Variants in ODR4 observed in about 807,000 individuals in gnomAD.
ODR4 encodes odr-4 GPCR localization factor homolog.
Under a neutral mutation model 60.2 loss-of-function variants are expected in ODR4, and 47 were observed. The observed-to-expected ratio is 0.78, with a 90% CI of 0.62 to 1.00. The LOEUF is 1.00. Among genes scored for constraint, ODR4 ranks in the 50% least tolerant of loss-of-function variants. ODR4 has a pLI of 0.00. For synonymous variants in ODR4, 178 were observed against 175.5 expected (o/e 1.01, Z -0.11); for missense variants, 488 against 530.8 (o/e 0.92, Z 0.79).
chr1:186,402,355 C>G (rs1224858100), intron 11 of ODR4, among the ~76,000 whole-genome samples: 1 of 146,822 alleles, frequency 6.8e-6, no homozygotes, highest in Non-Finnish European at 1.5e-5. Context: ...TTTCCTTTTC[C>G]TTTTCCTTTT....
intron 13 of ODR4, 38 bp from the exon 14 acceptor site, chr1:186,418,971 T>C (rs1461370309): frequency 2.6e-6 from 4 of 1,566,808 alleles, no homozygotes; most frequent in Non-Finnish European, 3.5e-6. Flanking sequence ...CTTTTGCTCA[T>C]TCCATTTTCA....
chr1:186,399,117 A>C (rs972892246), intron 11 of ODR4, 73 bp downstream of exon 11: 39 of 929,252 alleles, frequency 4.2e-5, no homozygotes, highest in Admixed American at 6.1e-5. Context: ...GATATAGCAG[A>C]TACGTCATCT....
chr1:186,402,344 C>CT (rs1558085455), intron 11 of ODR4, among the ~76,000 whole-genome samples: 4 of 148,996 alleles, frequency 2.7e-5, no homozygotes, highest in African/African-American at 1.0e-4. Flanking sequence ...ACTTCCTCTC[C>CT]TTTCCTTTTC....
At position 186,417,549 on chromosome 1, in the gene ODR4, A is replaced by T. The variant is rs375808249; in HGVS notation, c.1192A>T (p.Met398Leu). The change falls in exon 13 of 14, where the codon ATG (methionine) becomes TTG (leucine). Residue 398 changes from methionine to leucine, a missense_variant. Transcript: ENST00000287859. Reference protein sequence around the residue: ...EIAEETNTACMSSSMNSQASL... With the variant: ...EIAEETNTACLSSSMNSQASL... ...TTATTATTATACCCTTTCAGCTTGT[A>T]TGAGTTCTTCTATGAATAGTCAAGC... is the stretch of plus-strand genomic sequence containing the variant. 1 of 1,561,492 alleles carries T rather than the reference A, an allele frequency of 6.4e-7. No homozygotes were observed. Among genetic ancestry groups the T allele is most frequent in the East Asian group, 2.3e-5 (1 of 44,074 alleles).
intron 9 of ODR4, among the ~76,000 whole-genome samples, 188 bp from the exon 10 acceptor site, chr1:186,398,125 T>A (rs961061925): frequency 1.3e-5 from 2 of 152,208 alleles, no homozygotes; most frequent in Non-Finnish European, 2.9e-5. Flanking sequence ...TCAAAATGAC[T>A]GGAAAATAAT....
At chr1:186,382,323 T>A (rs1660068602) in intron 2 of ODR4, among the ~76,000 whole-genome samples, 1 of 150,066 alleles carries the variant, frequency 6.7e-6, no homozygotes, top group South Asian at 2.1e-4. Context: ...CTTGGGAGAC[T>A]ACTTGGGGGG....
chr1:186,408,077 C>T (rs1661234982), intron 12 of ODR4, among the ~76,000 whole-genome samples: 1 of 152,060 alleles, frequency 6.6e-6, no homozygotes, highest in African/African-American at 2.4e-5. Flanking sequence ...TTTTAAGAGT[C>T]TTACAAATAC....
intron 8 of ODR4, among the ~76,000 whole-genome samples, chr1:186,392,803 G>A (rs1660518164): frequency 6.6e-6 from 1 of 152,182 alleles, no homozygotes. Flanking sequence ...AGGAGTTCAA[G>A]ACCAGCCTGG....
chr1:186,424,966 A>G (rs1553240087), downstream of ODR4, among the ~76,000 whole-genome samples: 1 of 144,874 alleles, frequency 6.9e-6, no homozygotes, highest in Admixed American at 6.8e-5. Context: ...GTCAGCCTAG[A>G]TTAAAGAAAA....
At chr1:186,401,306 A>G in intron 11 of ODR4, 1 of 925,236 alleles carries the variant, frequency 1.1e-6, no homozygotes, top group South Asian at 1.8e-5. Context: ...AAAAGGTGAA[A>G]AAGTTTTTAC....
At position 186,406,109 on chromosome 1, in the gene ODR4, C is replaced by T. The variant is rs1454522552; in HGVS notation, c.1027C>T (p.Pro343Ser). 28 of 1,588,440 alleles carry T rather than the reference C, an allele frequency of 1.8e-5. No homozygotes were observed. The highest frequency in any genetic ancestry group is 2.3e-5 in the Non-Finnish European group (27 of 1,168,778). ...KDSEKEFHVL[P>S]YRVFVPLPGS... The stretch of plus-strand genomic sequence containing the variant: ...TTCTGAAAAAGAGTTCCACGTCCTC[C>T]CTTATCGAGTCTTTGTTCCCCTTCC... Residue 343 changes from proline to serine, a missense_variant, in exon 12 of 14, where the codon CCT (proline) becomes TCT (serine). Physicochemically the swap from Pro to Ser is moderately conservative, Grantham distance 74. Transcript: ENST00000287859.
At chr1:186,431,514 A>G in the ODR4 span, among the ~76,000 whole-genome samples, 11 of 152,360 alleles carry the variant, frequency 7.2e-5, no homozygotes, top group East Asian at 2.1e-3. Flanking sequence ...TGATGGCCAC[A>G]AAACTTAAGC....
chr1:186,390,639 A>G, intron 6 of ODR4, 72 bp from the exon 7 acceptor site: 1 of 1,460,374 alleles, frequency 6.8e-7, no homozygotes, highest in Non-Finnish European at 9.5e-7. Context: ...TGTATATTTA[A>G]TAATGTTTTG....
At chr1:186,429,506 C>G in the ODR4 span, among the ~76,000 whole-genome samples, 1 of 152,020 alleles carries the variant, frequency 6.6e-6, no homozygotes, top group African/African-American at 2.4e-5. Context: ...CAAAAGAGTT[C>G]CCTAAAGAAA....
intron 12 of ODR4, among the ~76,000 whole-genome samples, chr1:186,412,519 G>T (rs1661414411): frequency 6.6e-6 from 1 of 152,118 alleles, no homozygotes; most frequent in South Asian, 2.1e-4. Context: ...GAATGATATA[G>T]TAATTCTGCA....
chr1:186,425,474 C>G (rs189574088), downstream of ODR4, among the ~76,000 whole-genome samples: 7 of 152,240 alleles, frequency 4.6e-5, no homozygotes, highest in East Asian at 9.7e-4. Flanking sequence ...GTTCTCAACT[C>G]TTGGCTCTTC....
chr1:186,377,080 G>C (rs764044060), intron 1 of ODR4, among the ~76,000 whole-genome samples: 4 of 152,152 alleles, frequency 2.6e-5, no homozygotes, highest in Non-Finnish European at 5.9e-5. Context: ...GGATGCTCCA[G>C]TTCCTTATAT....
At chr1:186,427,715 A>G in the ODR4 span, among the ~76,000 whole-genome samples, 1 of 152,202 alleles carries the variant, frequency 6.6e-6, no homozygotes, top group Non-Finnish European at 1.5e-5. Flanking sequence ...CATCAGAGGA[A>G]TCACTATCTT....
chr1:186,422,180 A>T (rs1285599123), downstream of ODR4, among the ~76,000 whole-genome samples: 1 of 152,140 alleles, frequency 6.6e-6, no homozygotes, highest in Non-Finnish European at 1.5e-5. Context: ...GGTAAATACT[A>T]AAAACTTGTG....
Sources: allele counts gnomAD v4.1 joint callset (sites outside exome capture counted in the v4.1 genomes callset), GRCh38; gene constraint gnomAD v4.1.1; transcripts MANE v1.5; gene names NCBI Gene and HGNC (gene_info 2026-07-23, HGNC 2026-07-21).